Variants in FBXO43 observed in about 807,000 individuals in gnomAD.
FBXO43 encodes the protein F-box protein 43, also known as F-box only protein 43.
A neutral mutation model predicts 56.7 loss-of-function variants in FBXO43; 22 were observed. The observed-to-expected ratio is 0.39, with a 90% CI of 0.28 to 0.55. The LOEUF is 0.55. Ranked by LOEUF, FBXO43 falls within the 20% of genes least tolerant of loss-of-function variation. FBXO43 has a pLI of 0.66. For synonymous variants in FBXO43, 306 were observed against 294.5 expected (o/e 1.04, Z -0.40); for missense variants, 733 against 814.9 (o/e 0.90, Z 1.22).
intron 2 of FBXO43, among the ~76,000 whole-genome samples, chr8:100,137,945 G>A (rs868213688): frequency 7.9e-5 from 12 of 152,288 alleles, no homozygotes; most frequent in Admixed American, 3.3e-4. Flanking sequence ...GACTGATTAA[G>A]AGGATTTAAC....
In FBXO43 at chr8:100,134,300, C is replaced by A; in HGVS notation, c.1739G>T (p.Arg580Ile). ...TATCCTAGCCTGTGCCTGCACAGAT[C>A]TTAAAGCTGAGCGATTTAAAAGCTG... is the stretch of plus-strand genomic sequence containing the variant. Reference protein sequence around the residue: ...RLQLLNRSALRSVQAQARIPG... With the variant: ...RLQLLNRSALISVQAQARIPG... Residue 580 changes from arginine to isoleucine, a missense_variant, in exon 4 of 5, where the codon AGA becomes ATA. Arg to Ile is a moderately conservative substitution (Grantham distance 97, BLOSUM62 -3). Coordinates refer to ENST00000428847, the MANE Select transcript of FBXO43 (RefSeq NM_001029860.4). 1 of 1,614,090 alleles carries A rather than the reference C, an allele frequency of 6.2e-7. No homozygotes were observed. The highest frequency in any genetic ancestry group is 8.5e-7 in the Non-Finnish European group (1 of 1,180,028).
Position 100,141,140 on chromosome 8 carries a change from T to C in FBXO43, c.1114A>G (p.Ile372Val), listed in dbSNP as rs759617028. The change falls in exon 2 of 5, where the codon ATA becomes GTA. Residue 372 changes from isoleucine (I) to valine (V), a missense_variant. By Grantham distance (29) the Ile-to-Val change is conservative. Coordinates refer to ENST00000428847, the MANE Select transcript of FBXO43 (RefSeq NM_001029860.4). Reference sequence around the variant, plus strand: ...CTTCCAAGATGTCTTGTCTTTCTTATGGTGTCCCCAACTTTGGGAGTCCCC... The same window carrying C: ...CTTCCAAGATGTCTTGTCTTTCTTACGGTGTCCCCAACTTTGGGAGTCCCC... ...HKGTPKVGDT[I>V]RKTRHLGRSR... 3.1e-6 allele frequency: 5 copies of C among 1,614,234 alleles called. No homozygotes were observed. The South Asian group carries it at 4.4e-5, about 14-fold the overall frequency.
chr8:100,133,741 A>G lies in FBXO43; in HGVS notation c.*61T>C. 4 of 1,498,068 alleles carry G rather than the reference A, an allele frequency of 2.7e-6. No individual in the cohort carries two copies. In the Middle Eastern group the frequency reaches 5.4e-4, roughly 203 times the overall value. The allele number at this position is 1,498,068 out of a possible 1,614,324, so 92.8% of individuals were successfully genotyped here. On this transcript the variant is annotated 3_prime_UTR_variant, in exon 5 of 5. Coordinates refer to ENST00000428847, the MANE Select transcript of FBXO43 (RefSeq NM_001029860.4). The stretch of plus-strand genomic sequence containing the variant: ...GGGAAGATTTGCATGTATTCAAAAT[A>G]TTCATAATTTTAAGTCAGATAAATA...
chr8:100,149,861 T>A (rs1814887419), upstream of FBXO43, among the ~76,000 whole-genome samples: 1 of 152,230 alleles, frequency 6.6e-6, no homozygotes, highest in South Asian at 2.1e-4. Context: ...TTCTTCACCC[T>A]ACTAAGTAAA....
intron 2 of FBXO43, among the ~76,000 whole-genome samples, chr8:100,138,237 A>G (rs1814532919): frequency 6.6e-6 from 1 of 152,230 alleles, no homozygotes; most frequent in African/African-American, 2.4e-5. Context: ...TTGCTGATTT[A>G]TCAATAACTT....
chr8:100,134,407 C>G, intron 3 of FBXO43, 43 bp from the exon 4 acceptor site: 1 of 1,540,904 alleles, frequency 6.5e-7, no homozygotes, highest in Non-Finnish European at 8.9e-7. Context: ...AATACCAAAA[C>G]AGTTCCGGGA....
In FBXO43 at chr8:100,134,004, C is replaced by T; in HGVS notation, c.1925G>A (p.Arg642Lys). ...CTGGTACTTAGCAGGGGACTGGCACCTTGGGCAAGGTTTTAATGCTTCATC... is the reference window on the plus strand; with the variant it reads ...CTGGTACTTAGCAGGGGACTGGCACTTTGGGCAAGGTTTTAATGCTTCATC... Reference protein sequence around the residue: ...FTDEALKPCPRCQSPAKYQPY... With the variant: ...FTDEALKPCPKCQSPAKYQPY... Residue 642 changes from arginine (R) to lysine (K), a missense_variant, in exon 5 of 5, where the codon AGG becomes AAG. Arg to Lys is a conservative substitution (Grantham distance 26, BLOSUM62 2). Transcript: ENST00000428847. 1 of 1,614,190 alleles carries T rather than the reference C, an allele frequency of 6.2e-7. No homozygotes were observed. The highest frequency in any genetic ancestry group is 8.5e-7 in the Non-Finnish European group (1 of 1,180,032).
At chr8:100,144,517 T>A (rs1814757337) in intron 1 of FBXO43, among the ~76,000 whole-genome samples, 1 of 152,086 alleles carries the variant, frequency 6.6e-6, no homozygotes, top group Admixed American at 6.5e-5. Context: ...TGTTGTATTT[T>A]ATGGACTCAA....
chr8:100,135,410 A>T (rs1334435552), intron 3 of FBXO43, among the ~76,000 whole-genome samples: 1 of 152,228 alleles, frequency 6.6e-6, no homozygotes, highest in East Asian at 1.9e-4. Flanking sequence ...GTCTTGATGG[A>T]TCAAGAATCA....
At chr8:100,143,257 A>T (rs550716356) in intron 1 of FBXO43, among the ~76,000 whole-genome samples, 1 of 152,244 alleles carries the variant, frequency 6.6e-6, no homozygotes, top group African/African-American at 2.4e-5. Flanking sequence ...AGTTTTCTCC[A>T]GGACAAATGC....
At chr8:100,140,662 T>C (rs1814609782) in intron 2 of FBXO43, 21 bp downstream of exon 2, 1 of 1,527,856 alleles carries the variant, frequency 6.5e-7, no homozygotes, top group Non-Finnish European at 8.8e-7. Flanking sequence ...TTTTATTTCA[T>C]AAACAACTCT....
In FBXO43 at chr8:100,145,241, C is replaced by G; in HGVS notation, c.-106G>C. Reference sequence around the variant, plus strand: ...AGTCGAAGGGTACACAGGGTGCATGCCGCAGGGATTATTCCTAACACTTGA... The same window carrying G: ...AGTCGAAGGGTACACAGGGTGCATGGCGCAGGGATTATTCCTAACACTTGA... On this transcript the variant is annotated 5_prime_UTR_variant, in exon 1 of 5. Coordinates refer to ENST00000428847, the MANE Select transcript of FBXO43 (RefSeq NM_001029860.4). The G allele has an allele frequency of 1.3e-6, 1 of 785,258 alleles. No individual in the cohort carries two copies. Among genetic ancestry groups the G allele is most frequent in the South Asian group, 2.1e-5 (1 of 48,646 alleles). The allele number at this position is 785,258 out of a possible 1,614,324, so 48.6% of individuals were successfully genotyped here.
rs773844469 is a variant in FBXO43 at position 100,140,842 on chromosome 8, T to G, written c.1412A>C (p.Asp471Ala). The G allele has an allele frequency of 6.2e-7, 1 of 1,614,194 alleles. No individual in the cohort carries two copies. Among genetic ancestry groups the G allele is most frequent in the South Asian group, 1.1e-5 (1 of 91,080 alleles). The change falls in exon 2 of 5, where the codon GAT (aspartate) becomes GCT (alanine). Residue 471 changes from aspartate to alanine, a missense_variant. Transcript: ENST00000428847. ...CTGCAGTACAGCTATTTTCTCCCCA[T>G]CCCCTTGCTCTAAGAATTCATGTCC... is the stretch of plus-strand genomic sequence containing the variant. The part of the protein sequence containing the change: ...NSGHEFLEQG[D>A]GEKIAVLQCI...
chr8:100,134,364 CCT>C lies in FBXO43; in HGVS notation c.1675-2_1675-1del, dbSNP rs1563750462. 1 of 1,612,908 alleles carries C rather than the reference CCT, an allele frequency of 6.2e-7. No individual in the cohort carries two copies. ...GCATCCTCGACATTTAATACAGCCC[CCT>C]GTGGTAAAGGACAAGAGGCATCAAT... On this transcript the variant is annotated splice_acceptor_variant, in intron 3 of 4. Coordinates refer to ENST00000428847, the MANE Select transcript of FBXO43 (RefSeq NM_001029860.4). LOFTEE classifies it high-confidence loss of function.
upstream of FBXO43, among the ~76,000 whole-genome samples, chr8:100,147,935 T>C (rs1814861781): frequency 6.6e-6 from 1 of 152,218 alleles, no homozygotes; most frequent in African/African-American, 2.4e-5. Flanking sequence ...GTACCCTCTC[T>C]AGCTCTTCAA....
rs1178027112 is a variant in FBXO43 at position 100,145,812 on chromosome 8, A to G, written c.-677T>C. ...GTGGGGCCGCTGCCTTTACCTCCTT[A>G]GGTTTGAACGGCCCGCCCGGGGTAA... On this transcript the variant is annotated 5_prime_UTR_variant, in exon 1 of 5. Transcript: ENST00000428847. 5 of 152,356 alleles carry G rather than the reference A, an allele frequency of 3.3e-5. No individual in the cohort carries two copies. The highest frequency in any genetic ancestry group is 2.6e-4 in the Admixed American group (4 of 15,282). 9.4% of individuals were successfully genotyped at this position (152,356 alleles called of 1,614,324 possible).
chr8:100,145,956 C>CT (rs1473794935), upstream of FBXO43, among the ~76,000 whole-genome samples: 5 of 152,246 alleles, frequency 3.3e-5, no homozygotes, highest in Non-Finnish European at 7.3e-5. Flanking sequence ...AGCGCCCCCT[C>CT]TCTCGCTCAC....
Position 100,141,973 on chromosome 8 carries a change from A to C in FBXO43, c.281T>G (p.Leu94Arg). Residue 94 changes from leucine to arginine, a missense_variant, in exon 2 of 5, where the codon CTT (leucine) becomes CGT (arginine). Physicochemically the swap from Leu to Arg is moderately radical, Grantham distance 102. Coordinates refer to ENST00000428847, the MANE Select transcript of FBXO43 (RefSeq NM_001029860.4). The stretch of plus-strand genomic sequence containing the variant: ...TGTTGGGCCTTTTTCTTTCTTTCCA[A>C]GATATTCTTTATCTATATTATCAAA... Reference protein sequence around the residue: ...CSFDNIDKEYLGKKEKGPTLL... With the variant: ...CSFDNIDKEYRGKKEKGPTLL... The C allele has an allele frequency of 1.2e-6, 2 of 1,608,286 alleles. No individual in the cohort carries two copies. The highest frequency in any genetic ancestry group is 1.7e-6 in the Non-Finnish European group (2 of 1,178,054).
chr8:100,150,302 G>A (rs1241207689), upstream of FBXO43, among the ~76,000 whole-genome samples: 1 of 152,158 alleles, frequency 6.6e-6, no homozygotes, highest in East Asian at 1.9e-4. Flanking sequence ...TTCTATGTTC[G>A]TCCGAGTAAC....
Sources: gnomAD v4.1 joint callset for allele counts (sites outside exome capture counted in the v4.1 genomes callset) on GRCh38, gnomAD v4.1.1 for gene constraint, MANE v1.5 for transcripts, NCBI Gene and HGNC (gene_info 2026-07-23, HGNC 2026-07-21) for gene names.